Variants in ASTN1 observed in about 807,000 individuals in gnomAD.
The protein encoded by ASTN1 is astrotactin-1.
In ASTN1, 41 loss-of-function variants were observed where a neutral mutation model predicts 140.7. That is an observed-to-expected ratio of 0.29 (90% CI 0.23 to 0.38). The LOEUF (loss-of-function observed/expected upper bound fraction) is 0.38. ASTN1 is among the 10% of genes least tolerant of loss of function. The probability of loss-of-function intolerance (pLI) is 1.00; values close to 1 mark genes in which losing one functional copy is unlikely to be tolerated. For synonymous variants in ASTN1, 640 were observed against 652.2 expected (o/e 0.98, Z 0.29); for missense variants, 1,479 against 1,678.8 (o/e 0.88, Z 2.08).
At chr1:177,001,321 A>C (rs1276120414) in intron 8 of ASTN1, among the ~76,000 whole-genome samples, 1 of 152,234 alleles carries the variant, frequency 6.6e-6, no homozygotes, top group East Asian at 1.9e-4. Context: ...ATTAAGGTTG[A>C]CATCATTTGG....
chr1:177,124,978 C>T (rs184126165), intron 1 of ASTN1, among the ~76,000 whole-genome samples: 1 of 152,324 alleles, frequency 6.6e-6, no homozygotes, highest in East Asian at 1.9e-4. Flanking sequence ...CAGCTAAGTG[C>T]CTAGCATTGT....
chr1:177,074,982 A>G (rs1422515390), intron 1 of ASTN1, among the ~76,000 whole-genome samples: 1 of 152,186 alleles, frequency 6.6e-6, no homozygotes, highest in East Asian at 1.9e-4. Flanking sequence ...GGGATCTCTT[A>G]TTGGTAACCC....
At chr1:177,082,622 G>A (rs1270129868) in intron 1 of ASTN1, among the ~76,000 whole-genome samples, 2 of 152,148 alleles carry the variant, frequency 1.3e-5, no homozygotes, top group African/African-American at 2.4e-5. Flanking sequence ...CCCTTCGCAT[G>A]CCTTCAAAGA....
chr1:176,861,434 T>G lies in ASTN1; in HGVS notation c.*2850A>C. The G allele has an allele frequency of 2.0e-6, 2 of 985,856 alleles. No individual in the cohort carries two copies. The highest frequency in any genetic ancestry group is 3.5e-5 in the African/African-American group (2 of 57,352). The allele number at this position is 985,856 out of a possible 1,614,324, so 61.1% of individuals were successfully genotyped here. On this transcript the variant is annotated 3_prime_UTR_variant, in exon 23 of 23. Transcript: ENST00000361833. ...TATAAGCACCTCCCTTAAGACCTGT[T>G]TGGCAGCTTGAAAACTCAAGGTTGA...
intron 8 of ASTN1, chr1:176,976,266 T>C (rs1177430890): frequency 6.6e-6 from 1 of 152,190 alleles, no homozygotes; most frequent in African/African-American, 2.4e-5. Context: ...CATACACACA[T>C]GTGGTCGTGC....
intron 1 of ASTN1, among the ~76,000 whole-genome samples, chr1:177,122,604 A>G (rs1681456231): frequency 6.6e-6 from 1 of 152,094 alleles, no homozygotes; most frequent in African/African-American, 2.4e-5. Context: ...TCACAAGACT[A>G]GGGCGACAGT....
chr1:176,965,854 T>C (rs973375434), intron 8 of ASTN1, among the ~76,000 whole-genome samples: 1 of 152,220 alleles, frequency 6.6e-6, no homozygotes, highest in Non-Finnish European at 1.5e-5. Flanking sequence ...GTTTCAGACA[T>C]CTTCAAACGT....
chr1:177,151,310 T>C (rs372717908), intron 1 of ASTN1, among the ~76,000 whole-genome samples: 220 of 152,252 alleles, frequency 1.4e-3, no homozygotes, highest in African/African-American at 5.0e-3. Context: ...AGCACATGAC[T>C]ACCCAGATAA....
At chr1:177,050,575 T>C (rs948886334) in intron 2 of ASTN1, among the ~76,000 whole-genome samples, 1 of 152,148 alleles carries the variant, frequency 6.6e-6, no homozygotes, top group African/African-American at 2.4e-5. Flanking sequence ...CTTTCCTAGA[T>C]TTATTATAGA....
At chr1:177,054,918 C>T (rs1208460537) in intron 2 of ASTN1, among the ~76,000 whole-genome samples, 1 of 152,182 alleles carries the variant, frequency 6.6e-6, no homozygotes, top group African/African-American at 2.4e-5. Flanking sequence ...CTGATAAAAT[C>T]ACTCAGATCC....
intron 17 of ASTN1, among the ~76,000 whole-genome samples, chr1:176,893,894 C>A (rs1382928956): frequency 3.3e-5 from 5 of 152,200 alleles, no homozygotes; most frequent in Non-Finnish European, 5.9e-5. Context: ...ACACAGTTCT[C>A]CAGCCCTTCT....
chr1:176,948,425 C>T (rs1310109948), intron 12 of ASTN1, among the ~76,000 whole-genome samples: 2 of 152,074 alleles, frequency 1.3e-5, no homozygotes, highest in Non-Finnish European at 2.9e-5. Flanking sequence ...TTCCAGTCAG[C>T]AGTATAAATT....
Position 176,931,964 on chromosome 1 carries a change from C to G in ASTN1, c.2671+2188G>C, listed in dbSNP as rs1671222312. On this transcript the variant is annotated intron_variant, in intron 16 of 22. Transcript: ENST00000361833. Reference sequence around the variant, plus strand: ...AGGAAGATTCATAAGGATTCCTAAACTGTCGGGGCTGGAGAACTAGAGAGG... The same window carrying G: ...AGGAAGATTCATAAGGATTCCTAAAGTGTCGGGGCTGGAGAACTAGAGAGG... Among the ~76,000 whole-genome samples, 2 of 152,194 alleles carry G rather than the reference C, an allele frequency of 1.3e-5. 1 individual carries two copies. Among genetic ancestry groups the G allele is most frequent in the South Asian group, 4.1e-4 (2 of 4,832 alleles).
chr1:176,993,508 A>C (rs1053519018), intron 8 of ASTN1, among the ~76,000 whole-genome samples: 3 of 151,650 alleles, frequency 2.0e-5, no homozygotes, highest in Admixed American at 1.3e-4. Context: ...TAATCCCTCA[A>C]CTCCCTTACC....
At chr1:176,969,010 A>C (rs571957682) in intron 8 of ASTN1, among the ~76,000 whole-genome samples, 1 of 152,306 alleles carries the variant, frequency 6.6e-6, no homozygotes, top group South Asian at 2.1e-4. Context: ...ATGGCCATAC[A>C]GGAAAAGGCG....
At chr1:176,943,382 T>C (rs1671821392) in intron 14 of ASTN1, among the ~76,000 whole-genome samples, 2 of 152,274 alleles carry the variant, frequency 1.3e-5, no homozygotes, top group South Asian at 2.1e-4. Context: ...TGGGGGACCA[T>C]GAGGCCACAT....
chr1:177,053,690 C>T lies in ASTN1; in HGVS notation c.471+7388G>A, dbSNP rs933075009. ...ACTTTTCTAGTTTCTAAAAATTTCC[C>T]GCAAAAATGCAAAAGTTTGTATATG... On this transcript the variant is annotated intron_variant, in intron 2 of 22. Coordinates refer to ENST00000361833, the MANE Select transcript of ASTN1 (RefSeq NM_004319.3). 7.9e-5 allele frequency among the ~76,000 whole-genome samples: 12 copies of T among 152,078 alleles called. 1 individual carries two copies. The highest frequency in any genetic ancestry group is 6.2e-4 in the South Asian group (3 of 4,822).
At chr1:177,021,365 G>A (rs769255101) in intron 7 of ASTN1, among the ~76,000 whole-genome samples, 1 of 152,200 alleles carries the variant, frequency 6.6e-6, no homozygotes, top group Non-Finnish European at 1.5e-5. Flanking sequence ...ACATCTGGAA[G>A]GGACTGAAGA....
intron 11 of ASTN1, among the ~76,000 whole-genome samples, chr1:176,954,080 G>A (rs1257868923): frequency 6.6e-6 from 1 of 152,208 alleles, no homozygotes; most frequent in Non-Finnish European, 1.5e-5. Context: ...TGCCAGCCAA[G>A]CCTGCTCCAA....
Sources: gnomAD v4.1 joint callset for allele counts (sites outside exome capture counted in the v4.1 genomes callset) on GRCh38, gnomAD v4.1.1 for gene constraint, MANE v1.5 for transcripts, NCBI Gene and HGNC (gene_info 2026-07-23, HGNC 2026-07-21) for gene names.